ATL1: variants seen among roughly 807,000 people sequenced by gnomAD.
The protein encoded by ATL1 is atlastin-1.
In ATL1, 31 loss-of-function variants were observed where a neutral mutation model predicts 75.5. The ratio of observed to expected loss-of-function variants is 0.41; its 90% CI spans 0.31 to 0.55. ATL1 has a LOEUF of 0.55. Ranked by LOEUF, ATL1 falls within the 20% of genes least tolerant of loss-of-function variation. The pLI, the probability that ATL1 is intolerant of heterozygous loss-of-function variation, is 0.27. For synonymous variants in ATL1, 226 were observed against 233.3 expected, an observed-to-expected ratio of 0.97 and a Z score of 0.28; for missense variants, 405 against 662.6, an observed-to-expected ratio of 0.61 and a Z score of 4.27.
chr14:50,589,495 A>G (rs1349132560), intron 2 of ATL1, among the ~76,000 whole-genome samples: 1 of 152,166 alleles, frequency 6.6e-6, no homozygotes, highest in East Asian at 1.9e-4. Flanking sequence ...AGGGAAGGGC[A>G]TATTGTAGGC....
chr14:50,579,795 T>C (rs557905723), intron 1 of ATL1, among the ~76,000 whole-genome samples: 2 of 152,146 alleles, frequency 1.3e-5, no homozygotes, highest in Non-Finnish European at 2.9e-5. Flanking sequence ...GTAAATCACA[T>C]TGTGAGACTA....
chr14:50,534,201 C>T (rs567114616), intron 1 of ATL1, among the ~76,000 whole-genome samples: 2 of 152,216 alleles, frequency 1.3e-5, no homozygotes, highest in East Asian at 1.9e-4. Context: ...TTTACACTTG[C>T]GTTACTCCAG....
intron 6 of ATL1, among the ~76,000 whole-genome samples, chr14:50,597,613 CAT>C (rs552824598): frequency 8.6e-5 from 13 of 151,700 alleles, no homozygotes; most frequent in African/African-American, 3.1e-4. Flanking sequence ...TGCTTAATAG[CAT>C]ATATATATAT....
upstream of ATL1, chr14:50,560,106 C>T (rs2038816586): frequency 2.5e-6 from 2 of 788,068 alleles, no homozygotes; most frequent in Non-Finnish European, 4.2e-6. Context: ...CTCCCTTTTC[C>T]TCCCCACTCC....
intron 1 of ATL1, among the ~76,000 whole-genome samples, chr14:50,534,725 T>C (rs1388649156): frequency 2.0e-5 from 3 of 152,250 alleles, no homozygotes; most frequent in African/African-American, 7.2e-5. Flanking sequence ...ATAATCATTA[T>C]TTTACTTGTA....
exon 1 of ATL1, chr14:50,533,333 A>G (rs1478417195): frequency 6.6e-6 from 1 of 151,830 alleles, no homozygotes; most frequent in Middle Eastern, 3.2e-3. Context: ...CATATTTGGC[A>G]ACATCTCGGT....
chr14:50,574,578 A>G (rs1011581712), intron 1 of ATL1, among the ~76,000 whole-genome samples: 4 of 152,176 alleles, frequency 2.6e-5, no homozygotes, highest in African/African-American at 9.7e-5. Flanking sequence ...TGTGTCTAAA[A>G]CTGACTTTTT....
intron 1 of ATL1, among the ~76,000 whole-genome samples, chr14:50,552,930 C>T (rs1437204900): frequency 6.6e-6 from 1 of 152,120 alleles, no homozygotes; most frequent in Non-Finnish European, 1.5e-5. Context: ...ATCAGAAAAA[C>T]TCTTATAGAC....
In ATL1 at chr14:50,621,825, C is replaced by CT. The variant is rs760671844; in HGVS notation, c.991-13dup. The CT allele has an allele frequency of 1.7e-5, 26 of 1,512,200 alleles. No homozygotes were observed. In the African/African-American group the frequency reaches 3.6e-4, roughly 21 times the overall value. The allele number at this position is 1,512,200 out of a possible 1,614,324, so 93.7% of individuals were successfully genotyped here. A position where few individuals can be genotyped will look rare whatever the true frequency, so the allele number is the denominator to read the frequency against. ...TGAATGGAATTGCTTGAACATGAAT[C>CT]TTTTTCTTTTTTTTTAGGCTTATAT... On this transcript the variant is annotated splice_polypyrimidine_tract_variant and intron_variant, in intron 9 of 13. Transcript: ENST00000358385.
intron 1 of ATL1, among the ~76,000 whole-genome samples, chr14:50,587,121 A>C (rs2039109214): frequency 6.6e-6 from 1 of 152,170 alleles, no homozygotes; most frequent in Admixed American, 6.5e-5. Context: ...ATATATGTTC[A>C]GCTTTAAAAA....
chr14:50,560,095 C>T, upstream of ATL1: 1 of 713,090 alleles, frequency 1.4e-6, no homozygotes. Flanking sequence ...TCTGCTTTCT[C>T]CTCCCTTTTC....
chr14:50,618,769 GT>G (rs1258258150), intron 8 of ATL1, among the ~76,000 whole-genome samples: 1 of 151,950 alleles, frequency 6.6e-6, no homozygotes, highest in Non-Finnish European at 1.5e-5. Flanking sequence ...ATTACAGGCA[GT>G]TACTGAATTT....
chr14:50,560,282 G>A lies in ATL1; in HGVS notation c.17G>A (p.Arg6Lys), dbSNP rs1488692032. 11 of 1,614,036 alleles carry A rather than the reference G, an allele frequency of 6.8e-6. No homozygotes were observed. Among genetic ancestry groups the A allele is most frequent in the Admixed American group, 1.7e-5 (1 of 60,024 alleles). The change falls in exon 1 of 14, where the codon AGG becomes AAG. Residue 6 changes from arginine to lysine, a missense_variant. Transcript: ENST00000358385. MAKNR[R>K]DRNSWGGFSE... ...TGGACCACCATGGCCAAGAACCGCA[G>A]GGACAGAAACAGTTGGGGTGAGTAG...
chr14:50,611,971 G>T (rs1338784481), intron 6 of ATL1, among the ~76,000 whole-genome samples: 1 of 152,148 alleles, frequency 6.6e-6, no homozygotes, highest in African/African-American at 2.4e-5. Context: ...AATGTTCATA[G>T]CAGCACTATT....
chr14:50,537,393 C>T (rs770069556), intron 1 of ATL1, among the ~76,000 whole-genome samples: 13 of 152,322 alleles, frequency 8.5e-5, no homozygotes, highest in South Asian at 8.3e-4. Flanking sequence ...AGTGCCCTCA[C>T]GGAGAACCTC....
intron 6 of ATL1, among the ~76,000 whole-genome samples, chr14:50,612,099 T>C (rs1476180981): frequency 2.0e-5 from 3 of 152,160 alleles, no homozygotes; most frequent in Non-Finnish European, 2.9e-5. Context: ...TATGCAATAA[T>C]ATAATTAATC....
intron 11 of ATL1, among the ~76,000 whole-genome samples, chr14:50,625,549 G>A (rs2039510128): frequency 6.6e-6 from 1 of 152,156 alleles, no homozygotes; most frequent in Non-Finnish European, 1.5e-5. Context: ...GGAAGAACAG[G>A]CTGACTTTCT....
chr14:50,589,701 G>A (rs2039137777), intron 2 of ATL1, among the ~76,000 whole-genome samples: 1 of 152,138 alleles, frequency 6.6e-6, no homozygotes, highest in Non-Finnish European at 1.5e-5. Flanking sequence ...AAATAAGATT[G>A]AATAGGTTAT....
At position 50,628,060 on chromosome 14, in the gene ATL1, C is replaced by T. The variant is rs758613021; in HGVS notation, c.1149C>T (p.Ala383=). The T allele has an allele frequency of 1.9e-6, 3 of 1,614,058 alleles. No homozygotes were observed. The highest frequency in any genetic ancestry group is 2.5e-6 in the Non-Finnish European group (3 of 1,179,994). ...EICGGDKPFL[A]PNDLQTKHLQ... ...GTGGTGGTGACAAACCATTTCTGGCCCCAAATGACTTGCAGACCAAACACC... is the reference window on the plus strand; with the variant it reads ...GTGGTGGTGACAAACCATTTCTGGCTCCAAATGACTTGCAGACCAAACACC... Residue 383 remains alanine, a synonymous_variant, in exon 12 of 14, where the codon GCC becomes GCT. Coordinates refer to ENST00000358385, the MANE Select transcript of ATL1 (RefSeq NM_015915.5).
Sources: allele counts gnomAD v4.1 joint callset (sites outside exome capture counted in the v4.1 genomes callset), GRCh38; gene constraint gnomAD v4.1.1; transcripts MANE v1.5; gene names NCBI Gene and HGNC (gene_info 2026-07-23, HGNC 2026-07-21).